The following GRM1 variants were observed in gnomAD, a reference collection of about 807,000 sequenced individuals.
GRM1 encodes the protein glutamate metabotropic receptor 1, also known as metabotropic glutamate receptor 1.
In GRM1, 33 loss-of-function variants were observed where a neutral mutation model predicts 90.9. That is an observed-to-expected ratio of 0.36 (90% CI 0.28 to 0.49). GRM1 has a LOEUF of 0.49. Ranked by LOEUF, GRM1 falls within the 20% of genes least tolerant of loss-of-function variation. The pLI is 0.99. For synonymous variants in GRM1, 700 were observed against 613.2 expected (o/e 1.14, Z -2.09); for missense variants, 1,190 against 1,534.3 (o/e 0.78, Z 3.75).
At chr6:146,069,170 C>T (rs1775947859) in intron 1 of GRM1, among the ~76,000 whole-genome samples, 1 of 152,142 alleles carries the variant, frequency 6.6e-6, no homozygotes, top group Non-Finnish European at 1.5e-5. Flanking sequence ...AGTTGAGTCC[C>T]AGCATTCTAT....
intron 1 of GRM1, among the ~76,000 whole-genome samples, chr6:146,157,161 T>C (rs1777552536): frequency 1.3e-5 from 2 of 152,120 alleles, no homozygotes; most frequent in Non-Finnish European, 2.9e-5. Context: ...AGTCCTGGTA[T>C]GACAATTGGA....
At chr6:146,338,200 A>G (rs1283858259) in intron 3 of GRM1, among the ~76,000 whole-genome samples, 1 of 152,254 alleles carries the variant, frequency 6.6e-6, no homozygotes, top group Non-Finnish European at 1.5e-5. Context: ...ATATATTTTT[A>G]CCACGAATTA....
chr6:146,052,557 A>G (rs1027520425), intron 1 of GRM1, among the ~76,000 whole-genome samples: 1 of 151,860 alleles, frequency 6.6e-6, no homozygotes, highest in Admixed American at 6.6e-5. Flanking sequence ...ATCATCTGGT[A>G]TCACCTATCC....
rs1260418301 is a variant in GRM1, at chr6:146,324,312, A to T, written c.1186+19466A>T. Among the ~76,000 whole-genome samples, 3 of 152,176 alleles carry T rather than the reference A, an allele frequency of 2.0e-5. No homozygotes were observed. In the East Asian group the frequency reaches 5.8e-4, roughly 29 times the overall value. ...GGCAGTGAGAATTTCAAGCCAGTGGATCTTAGCTTGCTGAGCTCTGTGCGG... is the reference window on the plus strand; with the variant it reads ...GGCAGTGAGAATTTCAAGCCAGTGGTTCTTAGCTTGCTGAGCTCTGTGCGG... On this transcript the variant is annotated intron_variant, in intron 3 of 7. Coordinates refer to ENST00000282753, the MANE Select transcript of GRM1 (RefSeq NM_001278064.2).
rs117818695 is a variant in GRM1 at position 146,195,001 on chromosome 6, C to T, written c.950+35404C>T. ...TAAATGAGTTACTACATGTAAAACA[C>T]TTAAAAGAATGTCCAGAAGATTGTA... is the stretch of plus-strand genomic sequence containing the variant. On this transcript the variant is annotated intron_variant, in intron 2 of 7. Coordinates refer to ENST00000282753, the MANE Select transcript of GRM1 (RefSeq NM_001278064.2). 6.5e-4 allele frequency among the ~76,000 whole-genome samples: 99 copies of T among 152,274 alleles called. 1 individual carries two copies. The East Asian group carries it at 0.014, about 21-fold the overall frequency.
intron 2 of GRM1, among the ~76,000 whole-genome samples, chr6:146,294,890 C>T (rs937708740): frequency 1.3e-5 from 2 of 152,114 alleles, no homozygotes; most frequent in African/African-American, 4.8e-5. Flanking sequence ...CTCCTACTAT[C>T]TTTTACTTTT....
chr6:146,412,742 G>A (rs1777616188), intron 7 of GRM1, among the ~76,000 whole-genome samples: 1 of 152,060 alleles, frequency 6.6e-6, no homozygotes, highest in African/African-American at 2.4e-5. Flanking sequence ...GAGAGAGTCA[G>A]AATATCTCAT....
intron 4 of GRM1, among the ~76,000 whole-genome samples, chr6:146,356,661 C>T (rs1294474289): frequency 1.3e-5 from 2 of 152,102 alleles, no homozygotes; most frequent in Non-Finnish European, 2.9e-5. Context: ...ACAAGAACCA[C>T]GTGAGGCTTA....
intron 1 of GRM1, among the ~76,000 whole-genome samples, chr6:146,117,881 A>G (rs1169666431): frequency 1.3e-5 from 2 of 151,982 alleles, no homozygotes; most frequent in African/African-American, 4.8e-5. Flanking sequence ...CATTATAGAT[A>G]TTTTACTTTG....
At chr6:146,316,952 T>A (rs1783994760) in intron 3 of GRM1, among the ~76,000 whole-genome samples, 1 of 152,216 alleles carries the variant, frequency 6.6e-6, no homozygotes, top group Non-Finnish European at 1.5e-5. Context: ...AAATGTAGTT[T>A]CCTTTTTAAC....
At chr6:146,292,274 A>G (rs999526620) in intron 2 of GRM1, among the ~76,000 whole-genome samples, 4 of 152,022 alleles carry the variant, frequency 2.6e-5, no homozygotes, top group Non-Finnish European at 4.4e-5. Context: ...ATTACCAATG[A>G]AAGAAAAAAT....
At chr6:146,368,104 G>T (rs536795791) in intron 5 of GRM1, among the ~76,000 whole-genome samples, 1 of 152,038 alleles carries the variant, frequency 6.6e-6, no homozygotes, top group South Asian at 2.1e-4. Context: ...TTTATTTACA[G>T]GTATTTTTTG....
intron 1 of GRM1, among the ~76,000 whole-genome samples, chr6:146,072,721 G>T (rs1025914593): frequency 4.6e-5 from 7 of 152,100 alleles, no homozygotes; most frequent in African/African-American, 7.2e-5. Context: ...GTGGGTGAAA[G>T]AATTAATTAT....
intron 7 of GRM1, among the ~76,000 whole-genome samples, chr6:146,409,927 A>G (rs1299256848): frequency 6.6e-6 from 1 of 152,200 alleles, no homozygotes; most frequent in African/African-American, 2.4e-5. Context: ...GAAATCAATA[A>G]CAGTAGGAAA....
intron 3 of GRM1, among the ~76,000 whole-genome samples, chr6:146,312,678 T>A (rs1188599968): frequency 6.6e-6 from 1 of 152,214 alleles, no homozygotes; most frequent in Non-Finnish European, 1.5e-5. Flanking sequence ...TAGACTGTGT[T>A]CTATTTTCCT....
chr6:146,123,803 T>A (rs1776095177), intron 1 of GRM1, among the ~76,000 whole-genome samples: 1 of 152,188 alleles, frequency 6.6e-6, no homozygotes, highest in Admixed American at 6.5e-5. Context: ...CTCCCACTGT[T>A]CTGGTCTCTG....
chr6:146,415,076 G>A (rs1777727636), intron 7 of GRM1, among the ~76,000 whole-genome samples: 1 of 152,180 alleles, frequency 6.6e-6, no homozygotes, highest in African/African-American at 2.4e-5. Flanking sequence ...TCCATAGACT[G>A]GGTGGCTTAT....
chr6:146,093,910 T>C (rs765416361), intron 1 of GRM1, among the ~76,000 whole-genome samples: 1 of 152,086 alleles, frequency 6.6e-6, no homozygotes, highest in Non-Finnish European at 1.5e-5. Flanking sequence ...ATTAAAACTG[T>C]ATTAAGAAGT....
chr6:146,161,503 A>G (rs1777725567), intron 2 of GRM1, among the ~76,000 whole-genome samples: 1 of 152,126 alleles, frequency 6.6e-6, no homozygotes, highest in Admixed American at 6.5e-5. Flanking sequence ...GTGCTTGTCT[A>G]TGAACAGGTC....
Sources: allele counts gnomAD v4.1 joint callset (sites outside exome capture counted in the v4.1 genomes callset), GRCh38; gene constraint gnomAD v4.1.1; transcripts MANE v1.5; gene names NCBI Gene and HGNC (gene_info 2026-07-23, HGNC 2026-07-21).